Variants in EXOC6B observed in about 807,000 individuals in gnomAD.
EXOC6B encodes SEC15 homolog B.
A neutral mutation model predicts 113.5 loss-of-function variants in EXOC6B; 54 were observed. The observed-to-expected ratio is 0.48, with a 90% CI of 0.38 to 0.60. The LOEUF is 0.60. Among genes scored for constraint, EXOC6B ranks in the 20% least tolerant of loss-of-function variants. The pLI is 0.00. For missense variants in EXOC6B, 797 were observed against 977.5 expected (o/e 0.82, Z 2.46); for synonymous variants, 357 against 339.0 (o/e 1.05, Z -0.58).
At chr2:72,647,778 T>A (rs1047713964) in intron 6 of EXOC6B, among the ~76,000 whole-genome samples, 1 of 152,130 alleles carries the variant, frequency 6.6e-6, no homozygotes, top group African/African-American at 2.4e-5. Context: ...CAAAAATTAA[T>A]TCAAGATGGA....
At chr2:72,248,731 T>C (rs1178628752) in intron 20 of EXOC6B, among the ~76,000 whole-genome samples, 2 of 152,180 alleles carry the variant, frequency 1.3e-5, no homozygotes, top group East Asian at 3.9e-4. Flanking sequence ...TAAATTATTA[T>C]TCATACTGCC....
At chr2:72,367,448 G>A (rs149946381) in intron 19 of EXOC6B, among the ~76,000 whole-genome samples, 36 of 152,230 alleles carry the variant, frequency 2.4e-4, no homozygotes, top group Middle Eastern at 3.4e-3. Context: ...CATTCAGGAG[G>A]TGGAATAAGA....
At chr2:72,605,804 G>A (rs894115811) in intron 6 of EXOC6B, among the ~76,000 whole-genome samples, 2 of 151,960 alleles carry the variant, frequency 1.3e-5, no homozygotes, top group Non-Finnish European at 2.9e-5. Flanking sequence ...GAAAAGACAC[G>A]TAAAGAAAAT....
intron 21 of EXOC6B, among the ~76,000 whole-genome samples, chr2:72,180,303 A>G (rs748005593): frequency 6.6e-6 from 1 of 152,226 alleles, no homozygotes; most frequent in Non-Finnish European, 1.5e-5. Context: ...CCTAACTGGG[A>G]AACATGGACA....
intron 6 of EXOC6B, among the ~76,000 whole-genome samples, chr2:72,671,801 AAGAAAGAAAGAAAGAAAGAAG>A (rs1558903257): frequency 7.1e-6 from 1 of 140,472 alleles, no homozygotes; most frequent in Non-Finnish European, 1.6e-5. Flanking sequence ...GAAAGAAAGA[AAGAAAGAAAGAAAGAAAGAAG>A]AGAAAAGAAA....
intron 6 of EXOC6B, among the ~76,000 whole-genome samples, chr2:72,649,132 C>T (rs1314625325): frequency 1.3e-5 from 2 of 151,870 alleles, no homozygotes; most frequent in Non-Finnish European, 2.9e-5. Context: ...AGGGAGAGAC[C>T]CTGTCTCTAT....
chr2:72,546,196 C>T (rs1189636952), intron 8 of EXOC6B, among the ~76,000 whole-genome samples: 1 of 152,192 alleles, frequency 6.6e-6, no homozygotes, highest in Non-Finnish European at 1.5e-5. Flanking sequence ...CATCTGTAAT[C>T]CCAGCACTTT....
intron 20 of EXOC6B, among the ~76,000 whole-genome samples, chr2:72,190,767 G>A (rs1678778767): frequency 6.6e-6 from 1 of 152,156 alleles, no homozygotes; most frequent in Non-Finnish European, 1.5e-5. Flanking sequence ...CTCCCCAGAA[G>A]CTCATTCCTC....
intron 18 of EXOC6B, chr2:72,464,439 A>G (rs571606807): frequency 3.9e-5 from 6 of 152,370 alleles, no homozygotes; most frequent in African/African-American, 1.4e-4. Flanking sequence ...GCAACCCAAT[A>G]TTAATCCAAA....
chr2:72,398,047 G>C (rs1297087991), intron 18 of EXOC6B, among the ~76,000 whole-genome samples: 1 of 152,154 alleles, frequency 6.6e-6, no homozygotes, highest in Non-Finnish European at 1.5e-5. Context: ...CAAATATTTG[G>C]TCAAACATGA....
intron 8 of EXOC6B, among the ~76,000 whole-genome samples, chr2:72,516,210 A>G (rs1701204680): frequency 6.6e-6 from 1 of 152,144 alleles, no homozygotes; most frequent in African/African-American, 2.4e-5. Flanking sequence ...TGTTTAGATT[A>G]TCACACCCCA....
intron 6 of EXOC6B, among the ~76,000 whole-genome samples, chr2:72,576,015 G>A (rs897829942): frequency 1.3e-5 from 2 of 152,050 alleles, no homozygotes; most frequent in African/African-American, 4.8e-5. Flanking sequence ...ATCCAGTTTT[G>A]CCTTAGTAGG....
At chr2:72,266,927 T>A (rs1466337037) in intron 20 of EXOC6B, among the ~76,000 whole-genome samples, 9 of 152,226 alleles carry the variant, frequency 5.9e-5, no homozygotes, top group Non-Finnish European at 1.5e-5. Flanking sequence ...CCTCTTTTAT[T>A]TCATTGAGCA....
chr2:72,705,496 G>A (rs1678791120), intron 6 of EXOC6B, among the ~76,000 whole-genome samples: 1 of 152,056 alleles, frequency 6.6e-6, no homozygotes, highest in African/African-American at 2.4e-5. Context: ...AAAATTTACA[G>A]ATACTTTAAA....
At chr2:72,682,559 G>C (rs917351850) in intron 6 of EXOC6B, among the ~76,000 whole-genome samples, 2 of 151,818 alleles carry the variant, frequency 1.3e-5, no homozygotes, top group African/African-American at 4.8e-5. Flanking sequence ...AGCAATGATG[G>C]GCTCACATAA....
chr2:72,360,964 G>T (rs1487974568), intron 19 of EXOC6B, among the ~76,000 whole-genome samples: 9 of 147,766 alleles, frequency 6.1e-5, no homozygotes, highest in Non-Finnish European at 1.2e-4. Context: ...ATGGAACTTT[G>T]ACCCCTTATT....
intron 17 of EXOC6B, among the ~76,000 whole-genome samples, chr2:72,472,433 G>A (rs116817793): frequency 0.01 from 1,559 of 152,162 alleles, 40 homozygotes; most frequent in African/African-American, 0.036. Flanking sequence ...TTCAATCTTA[G>A]TAGGTTGTAC....
At chr2:72,251,053 C>T (rs897298909) in intron 20 of EXOC6B, among the ~76,000 whole-genome samples, 6 of 124,128 alleles carry the variant, frequency 4.8e-5, no homozygotes, top group Admixed American at 4.3e-4. Context: ...GTCTTGAACT[C>T]GGGAGCTCAC....
At chr2:72,741,151 T>C (rs1681297335) in intron 2 of EXOC6B, among the ~76,000 whole-genome samples, 153 bp downstream of exon 2, 1 of 152,114 alleles carries the variant, frequency 6.6e-6, no homozygotes, top group Admixed American at 6.5e-5. Flanking sequence ...AAAGCCATAC[T>C]CTCAAGAATG....
Sources: gnomAD v4.1 joint callset for allele counts (sites outside exome capture counted in the v4.1 genomes callset) on GRCh38, gnomAD v4.1.1 for gene constraint, MANE v1.5 for transcripts, NCBI Gene and HGNC (gene_info 2026-07-23, HGNC 2026-07-21) for gene names.